The following MSLN variants were observed in gnomAD, a reference collection of about 807,000 sequenced individuals.
MSLN encodes the protein mesothelin.
MSLN carries 82 observed loss-of-function variants against 72.6 expected under a neutral mutation model. The ratio of observed to expected loss-of-function variants is 1.13; its 90% CI spans 0.94 to 1.36. The LOEUF is 1.36. Among genes scored for constraint, MSLN ranks in the 40% most tolerant of loss-of-function variants. The pLI is 0.00. For missense variants in MSLN, 1,005 were observed against 847.9 expected (o/e 1.19, Z -2.30); for synonymous variants, 456 against 387.3 (o/e 1.18, Z -2.08).
At chr16:765,907 A>G in intron 11 of MSLN, 117 bp downstream of exon 11, 1 of 1,320,736 alleles carries the variant, frequency 7.6e-7, no homozygotes, top group Non-Finnish European at 1.0e-6. Flanking sequence ...CATTATAATC[A>G]CAGAGAGTGG....
intron 7 of MSLN, 80 bp from the exon 8 acceptor site, chr16:764,827 G>T (rs2041582998): frequency 2.5e-6 from 4 of 1,587,422 alleles, no homozygotes; most frequent in Non-Finnish European, 2.6e-6. Flanking sequence ...CAGCAGAGAT[G>T]TGGAGGCCGG....
chr16:763,276 G>A lies in MSLN; in HGVS notation c.129G>A (p.Gln43=), dbSNP rs1219381258. The A allele has an allele frequency of 3.2e-6, 5 of 1,543,186 alleles. No individual in the cohort carries two copies. The highest frequency in any genetic ancestry group is 2.5e-5 in the East Asian group (1 of 40,804). ...GGACCCTGGCTGGAGAGACAGGGCA[G>A]GTAAGGTCCCCTCTGGGGAAACAGG... is the stretch of plus-strand genomic sequence containing the variant. ...PSRTLAGETG[Q]EAAPLDGVLA... is the part of the protein sequence containing the mutation. Residue 43 remains glutamine, a splice_region_variant and synonymous_variant, in exon 4 of 18, where the codon CAG becomes CAA. Coordinates refer to ENST00000545450, the MANE Select transcript of MSLN (RefSeq NM_005823.6).
chr16:763,962 C>T, intron 5 of MSLN, 61 bp from the exon 6 acceptor site: 1 of 1,582,850 alleles, frequency 6.3e-7, no homozygotes, highest in Non-Finnish European at 8.5e-7. Flanking sequence ...GCTTGGGGAG[C>T]ACTGGGTGGA....
intron 2 of MSLN, chr16:762,410 G>C: frequency 2.0e-6 from 1 of 501,952 alleles, no homozygotes. Context: ...CTGGGAGAGG[G>C]GTGGGCGCCA....
chr16:763,567 AG>A (rs2041563062), intron 4 of MSLN, 74 bp from the exon 5 acceptor site: 7 of 1,436,366 alleles, frequency 4.9e-6, no homozygotes, highest in Non-Finnish European at 6.6e-6. Context: ...TACCTGGCCC[AG>A]GGGTAGCGGG....
chr16:763,258 G>A lies in MSLN; in HGVS notation c.111G>A (p.Leu37=). 1 of 1,542,626 alleles carries A rather than the reference G, an allele frequency of 6.5e-7. No individual in the cohort carries two copies. Among genetic ancestry groups the A allele is most frequent in the Non-Finnish European group, 8.7e-7 (1 of 1,145,546 alleles). The stretch of plus-strand genomic sequence containing the variant: ...GATGGGTGCAGCCCTCGAGGACCCT[G>A]GCTGGAGAGACAGGGCAGGTAAGGT... ...SLGWVQPSRT[L]AGETGQEAAP... Residue 37 remains leucine (L), a synonymous_variant, in exon 4 of 18, where the codon CTG becomes CTA. Coordinates refer to ENST00000545450, the MANE Select transcript of MSLN (RefSeq NM_005823.6).
rs768130944 is a variant in MSLN, at chr16:768,635, C to T, written c.1784-13C>T. The T allele has an allele frequency of 6.2e-7, 1 of 1,611,272 alleles. No homozygotes were observed. Among genetic ancestry groups the T allele is most frequent in the African/African-American group, 1.3e-5 (1 of 74,890 alleles). On this transcript the variant is annotated splice_polypyrimidine_tract_variant and intron_variant, in intron 17 of 17. Transcript: ENST00000545450. ...GTGGAGGTGGGCGCTCTGAGTCACC[C>T]CTCTCTCTGTAGAGGCCCTCTCGGG...
In MSLN at chr16:767,396, T is replaced by G. The variant is rs750818308; in HGVS notation, c.1522T>G (p.Leu508Val). ...SFLGGAPTEDLKALSQQNVSM... is the reference protein window; with the variant it reads ...SFLGGAPTEDVKALSQQNVSM... Reference sequence around the variant, plus strand: ...GGCAGGTGGGGCCCCCACGGAGGATTTGAAGGCGCTCAGTCAGCAGAATGT... The same window carrying G: ...GGCAGGTGGGGCCCCCACGGAGGATGTGAAGGCGCTCAGTCAGCAGAATGT... The change falls in exon 16 of 18, where the codon TTG becomes GTG. Residue 508 changes from leucine to valine, a missense_variant. Physicochemically the swap from Leu to Val is conservative, Grantham distance 32. Transcript: ENST00000545450. The G allele has an allele frequency of 3.7e-6, 6 of 1,605,234 alleles. No individual in the cohort carries two copies. Among genetic ancestry groups the G allele is most frequent in the Non-Finnish European group, 5.1e-6 (6 of 1,176,024 alleles).
At chr16:768,612 G>A (rs2041675151) in intron 17 of MSLN, 36 bp from the exon 18 acceptor site, 37 of 1,611,318 alleles carry the variant, frequency 2.3e-5, no homozygotes, top group Non-Finnish European at 2.9e-5. Flanking sequence ...CTGGGGGCGT[G>A]GAGGTGGGCG....
At chr16:760,905 C>G (rs1046112076) in intron 1 of MSLN, 84 bp downstream of exon 1, 10 of 152,362 alleles carry the variant, frequency 6.6e-5, no homozygotes, top group African/African-American at 2.4e-4. Context: ...ACCTGGAGGG[C>G]TGGGGGCTGC....
At chr16:763,004 G>A (rs556663482) in intron 3 of MSLN, among the ~76,000 whole-genome samples, 4 of 152,328 alleles carry the variant, frequency 2.6e-5, no homozygotes, top group South Asian at 2.1e-4. Flanking sequence ...CCAAGCAGCC[G>A]GGTCTCAGGG....
intron 15 of MSLN, 137 bp from the exon 16 acceptor site, chr16:767,239 G>T: frequency 5.4e-6 from 6 of 1,112,652 alleles, no homozygotes; most frequent in Admixed American, 2.0e-5. Context: ...GGGTCAGGCG[G>T]CTAGGCAAAC....
chr16:763,574 G>T, intron 4 of MSLN, 68 bp from the exon 5 acceptor site: 2 of 1,478,666 alleles, frequency 1.4e-6, no homozygotes, highest in Non-Finnish European at 1.8e-6. Flanking sequence ...CCCAGGGGTA[G>T]CGGGACCTGG....
Position 762,697 on chromosome 16 carries a change from C to A in MSLN, c.17C>A (p.Ala6Asp). The change falls in exon 3 of 18, where the codon GCT (alanine) becomes GAT (aspartate). Residue 6 changes from alanine to aspartate, a missense_variant. By Grantham distance (126) the Ala-to-Asp change is moderately radical. Transcript: ENST00000545450. The part of the protein sequence containing the change: MALPT[A>D]RPLLGSCGTP... ...ACACAGACCATGGCCTTGCCAACGGCTCGACCCCTGTTGGGGTCCTGTGGG... is the reference window on the plus strand; with the variant it reads ...ACACAGACCATGGCCTTGCCAACGGATCGACCCCTGTTGGGGTCCTGTGGG... 6.2e-7 allele frequency: 1 copy of A among 1,611,734 alleles called. No homozygotes were observed. The highest frequency in any genetic ancestry group is 8.5e-7 in the Non-Finnish European group (1 of 1,179,392).
chr16:765,986 C>A, intron 11 of MSLN, 73 bp from the exon 12 acceptor site: 1 of 1,483,630 alleles, frequency 6.7e-7, no homozygotes, highest in Non-Finnish European at 9.1e-7. Flanking sequence ...GAGGTCTCAT[C>A]TCACAGGAGG....
intron 6 of MSLN, 132 bp from the exon 7 acceptor site, chr16:764,515 A>C: frequency 3.5e-6 from 3 of 854,304 alleles, no homozygotes; most frequent in Non-Finnish European, 6.0e-6. Flanking sequence ...GCAGGCGGCC[A>C]GAGATCCACT....
intron 6 of MSLN, 97 bp downstream of exon 6, chr16:764,240 G>A: frequency 3.4e-6 from 5 of 1,456,104 alleles, no homozygotes; most frequent in Non-Finnish European, 4.6e-6. Context: ...GGTCCCCTCT[G>A]TCCCTGCTGC....
chr16:763,609 C>T (rs1488541655), intron 4 of MSLN, 33 bp from the exon 5 acceptor site: 3 of 1,577,344 alleles, frequency 1.9e-6, no homozygotes, highest in East Asian at 4.5e-5. Flanking sequence ...GAGAGCTGGT[C>T]TGAGCCATGT....
chr16:767,102 C>T (rs2041625708), intron 15 of MSLN, 90 bp downstream of exon 15: 2 of 1,573,958 alleles, frequency 1.3e-6, no homozygotes, highest in Non-Finnish European at 1.7e-6. Flanking sequence ...CCTCGCCGGG[C>T]CGTCTGCTGC....
Sources: gnomAD v4.1 joint callset for allele counts (sites outside exome capture counted in the v4.1 genomes callset) on GRCh38, gnomAD v4.1.1 for gene constraint, MANE v1.5 for transcripts, NCBI Gene and HGNC (gene_info 2026-07-23, HGNC 2026-07-21) for gene names.